The following MORN1 variants were observed in gnomAD, a reference collection of about 807,000 sequenced individuals.
MORN1 encodes MORN repeat-containing protein 1.
MORN1 carries 67 observed loss-of-function variants against 61.9 expected under a neutral mutation model. The ratio of observed to expected loss-of-function variants is 1.08; its 90% CI spans 0.89 to 1.33. MORN1 has a LOEUF of 1.33. Ranked by LOEUF, MORN1 falls within the 40% of genes most tolerant of loss-of-function variation. The pLI, the probability that MORN1 is intolerant of heterozygous loss-of-function variation, is 0.00. For synonymous variants in MORN1, 301 were observed against 292.0 expected (o/e 1.03, Z -0.31); for missense variants, 752 against 691.2 (o/e 1.09, Z -0.99).
chr1:2,345,857 A>ACACACACACAC (rs1298968582), intron 10 of MORN1, among the ~76,000 whole-genome samples: 5 of 99,822 alleles, frequency 5.0e-5, no homozygotes, highest in African/African-American at 9.4e-5. Flanking sequence ...ACACACACAG[A>ACACACACACAC]TGTTTGCTCT....
intron 12 of MORN1, among the ~76,000 whole-genome samples, chr1:2,327,341 G>GAGACACAGAAACACACAGAAAC (rs1417261302): frequency 1.9e-5 from 2 of 104,158 alleles, no homozygotes; most frequent in Non-Finnish European, 4.4e-5. Flanking sequence ...GAAACACACA[G>GAGACACAGAAACACACAGAAAC]ACAGAAACAA....
chr1:2,348,379 G>T (rs1641560510), intron 10 of MORN1, among the ~76,000 whole-genome samples: 1 of 152,176 alleles, frequency 6.6e-6, no homozygotes, highest in Non-Finnish European at 1.5e-5. Flanking sequence ...GGAGTCCACC[G>T]TGAGGCTGGT....
At chr1:2,331,002 C>G (rs1641136628) in intron 12 of MORN1, among the ~76,000 whole-genome samples, 1 of 152,246 alleles carries the variant, frequency 6.6e-6, no homozygotes, top group African/African-American at 2.4e-5. Context: ...TGGAATGTCT[C>G]TGCAGGAACG....
In MORN1 at chr1:2,366,462, A is replaced by G. The variant is rs1641997834; in HGVS notation, c.745+6019T>C. On this transcript the variant is annotated intron_variant, in intron 8 of 13. Transcript: ENST00000378531. ...CTGCACATTGTGCACAGGTACCTAA[A>G]ACTTTAAGTATAATAATAATAAAAT... Among the ~76,000 whole-genome samples, 5 of 151,982 alleles carry G rather than the reference A, an allele frequency of 3.3e-5. No homozygotes were observed. In the South Asian group the frequency reaches 1.0e-3, roughly 32 times the overall value.
chr1:2,322,139 G>A (rs961897471), intron 13 of MORN1: 26 of 985,266 alleles, frequency 2.6e-5, no homozygotes, highest in African/African-American at 3.5e-5. Flanking sequence ...GGGGGCACTC[G>A]GCAGAGAAGG....
chr1:2,360,717 G>C (rs1019055051), intron 8 of MORN1, among the ~76,000 whole-genome samples: 5 of 152,144 alleles, frequency 3.3e-5, no homozygotes, highest in African/African-American at 1.2e-4. Context: ...CAGCACACCT[G>C]GGACAAAACT....
chr1:2,356,902 G>T (rs760795678), intron 10 of MORN1, among the ~76,000 whole-genome samples: 1 of 152,210 alleles, frequency 6.6e-6, no homozygotes, highest in Non-Finnish European at 1.5e-5. Context: ...CCCCAGCCTT[G>T]GGGGGCAGAG....
Position 2,337,193 on chromosome 1 carries a change from C to T in MORN1, c.1037-343G>A, listed in dbSNP as rs183928575. Among the ~76,000 whole-genome samples, 25 of 152,324 alleles carry T rather than the reference C, an allele frequency of 1.6e-4. No homozygotes were observed. In the East Asian group the frequency reaches 1.9e-3, roughly 12 times the overall value. On this transcript the variant is annotated intron_variant, in intron 10 of 13. Transcript: ENST00000378531. The surrounding 1 kb of genome is among the most constrained non-coding windows in gnomAD (Gnocchi z 5.7). ...GAGGCACTCGCTTCCAGGGTAGGGC[C>T]GGGACCGGGGCCCTGGCCGGAGAGG...
chr1:2,365,277 G>A (rs1237118504), intron 8 of MORN1, among the ~76,000 whole-genome samples: 2 of 147,444 alleles, frequency 1.4e-5, no homozygotes, highest in African/African-American at 5.0e-5. Context: ...GGTCCTTCAC[G>A]TCCCTTGTAA....
At chr1:2,361,998 CTGAGG>C (rs1431322487) in intron 8 of MORN1, among the ~76,000 whole-genome samples, 6 of 152,354 alleles carry the variant, frequency 3.9e-5, no homozygotes, top group African/African-American at 1.2e-4. Context: ...CCTTGGGAGG[CTGAGG>C]CAGGCGGATC....
rs1317211338 is a variant in MORN1, at chr1:2,384,910, C to A, written c.537+68G>T. ...CTGCCAGGGTGAGGCTCCCCATACA[C>A]CCCACGCGCCCTGCCCACCACGAGG... is the stretch of plus-strand genomic sequence containing the variant. On this transcript the variant is annotated intron_variant, in intron 6 of 13. Transcript: ENST00000378531. 3.6e-6 allele frequency: 5 copies of A among 1,377,414 alleles called. No homozygotes were observed. The African/African-American group carries it at 5.8e-5, about 16-fold the overall frequency. The allele number at this position is 1,377,414 out of a possible 1,614,324, so 85.3% of individuals were successfully genotyped here. A position where few individuals can be genotyped will look rare whatever the true frequency, so the allele number is the denominator to read the frequency against.
At position 2,358,572 on chromosome 1, in the gene MORN1, T is replaced by TTGG; in HGVS notation, c.869+17_869+19dup. ...TCAAAACAAACTCAGAACTAACTCA[T>TTGG]TGGTGTCACACGTACTCACAATGGG... is the stretch of plus-strand genomic sequence containing the variant. On this transcript the variant is annotated intron_variant, in intron 9 of 13. Coordinates refer to ENST00000378531, the MANE Select transcript of MORN1 (RefSeq NM_024848.3). 1 of 1,613,888 alleles carries TTGG rather than the reference T, an allele frequency of 6.2e-7. No individual in the cohort carries two copies. The highest frequency in any genetic ancestry group is 8.5e-7 in the Non-Finnish European group (1 of 1,179,846).
intron 6 of MORN1, chr1:2,376,099 C>T (rs1642227736): frequency 6.6e-6 from 1 of 152,536 alleles, no homozygotes; most frequent in Non-Finnish European, 1.5e-5. Flanking sequence ...CACGGCATGC[C>T]TGGAGGCCAT....
intron 12 of MORN1, chr1:2,332,822 C>T (rs891421320): frequency 2.1e-5 from 9 of 432,188 alleles, no homozygotes; most frequent in African/African-American, 1.0e-4. Flanking sequence ...GGGGAGAAGC[C>T]GGAGCCAGGA....
chr1:2,346,255 C>T (rs996309501), intron 10 of MORN1, among the ~76,000 whole-genome samples: 2 of 152,224 alleles, frequency 1.3e-5, no homozygotes, highest in African/African-American at 4.8e-5. Flanking sequence ...CGCCAGGGTG[C>T]CCGCAGTCAG....
At chr1:2,344,723 C>T (rs1023786523) in intron 10 of MORN1, among the ~76,000 whole-genome samples, 9 of 152,172 alleles carry the variant, frequency 5.9e-5, no homozygotes, top group Non-Finnish European at 1.3e-4. Flanking sequence ...AAAGGGGGAG[C>T]GCTGTGCCAA....
chr1:2,323,515 G>A, intron 13 of MORN1: 6 of 985,398 alleles, frequency 6.1e-6, no homozygotes, highest in Non-Finnish European at 7.2e-6. Context: ...TAGCTGAGGT[G>A]CCCTGGCATT....
chr1:2,338,148 C>T (rs970723189), intron 10 of MORN1, among the ~76,000 whole-genome samples: 5 of 152,176 alleles, frequency 3.3e-5, no homozygotes, highest in Admixed American at 6.5e-5. Flanking sequence ...GTCCCTTTCC[C>T]GGAGCCCAGC....
intron 8 of MORN1, among the ~76,000 whole-genome samples, chr1:2,369,401 G>C (rs952183327): frequency 6.6e-6 from 1 of 151,108 alleles, no homozygotes; most frequent in South Asian, 2.1e-4. Flanking sequence ...CAAGTACTGA[G>C]GAGGGTGTAA....
Sources: gnomAD v4.1 joint callset for allele counts (sites outside exome capture counted in the v4.1 genomes callset) on GRCh38, gnomAD v4.1.1 for gene constraint, Gnocchi (gnomAD v3.1) non-coding constraint, MANE v1.5 for transcripts, NCBI Gene and HGNC (gene_info 2026-07-23, HGNC 2026-07-21) for gene names.